The following HOMER3 variants were observed in gnomAD, a reference collection of about 807,000 sequenced individuals.
The protein encoded by HOMER3 is homer protein homolog 3.
HOMER3 carries 34 observed loss-of-function variants against 45.5 expected under a neutral mutation model. The observed-to-expected ratio is 0.75, with a 90% CI of 0.57 to 1.00. The LOEUF (loss-of-function observed/expected upper bound fraction) is 1.00, where lower values mean the gene tolerates loss of function less well. Among genes scored for constraint, HOMER3 ranks in the 50% least tolerant of loss-of-function variants. The pLI, the probability that HOMER3 is intolerant of heterozygous loss-of-function variation, is 0.00. For synonymous variants in HOMER3, 223 were observed against 208.8 expected (o/e 1.07, Z -0.58); for missense variants, 480 against 497.5 (o/e 0.96, Z 0.33).
At chr19:18,934,182 T>C (rs758321652) in intron 5 of HOMER3, 121 bp downstream of exon 5, 4 of 541,436 alleles carry the variant, frequency 7.4e-6, no homozygotes, top group East Asian at 3.4e-5. Flanking sequence ...TCTGGAAGCA[T>C]TGGGTCTTGA....
rs1456466657 is a variant in HOMER3, at chr19:18,941,072, G to A, written c.-89C>T. The A allele has an allele frequency of 1.3e-5, 2 of 151,422 alleles. No individual in the cohort carries two copies. Among genetic ancestry groups the A allele is most frequent in the African/African-American group, 4.8e-5 (2 of 41,296 alleles). The allele number at this position is 151,422 out of a possible 1,614,324, so 9.4% of individuals were successfully genotyped here. The stretch of plus-strand genomic sequence containing the variant: ...TCACCCTGCCAGGTCGGCGCCCCGC[G>A]AGTGTCCAGGCGCGAGTCGGGTGCG... On this transcript the variant is annotated 5_prime_UTR_variant, in exon 1 of 10. Coordinates refer to ENST00000392351, the MANE Select transcript of HOMER3 (RefSeq NM_004838.4).
Position 18,932,119 on chromosome 19 carries a change from C to A in HOMER3, c.547G>T (p.Val183Leu). Reference protein sequence around the residue: ...KMLSEGSVGEVQWEAEFFALQ... With the variant: ...KMLSEGSVGELQWEAEFFALQ... Reference sequence around the variant, plus strand: ...GCGAAAAACTCGGCCTCCCACTGTACCTCGCCCACGGAGCTGCAGAGACAC... The same window carrying A: ...GCGAAAAACTCGGCCTCCCACTGTAACTCGCCCACGGAGCTGCAGAGACAC... The change falls in exon 7 of 10, where the codon GTA becomes TTA. Residue 183 changes from valine to leucine, a missense_variant. By Grantham distance (32) the Val-to-Leu change is conservative. Coordinates refer to ENST00000392351, the MANE Select transcript of HOMER3 (RefSeq NM_004838.4). The A allele has an allele frequency of 6.4e-7, 1 of 1,564,648 alleles. No individual in the cohort carries two copies. The highest frequency in any genetic ancestry group is 1.2e-5 in the South Asian group (1 of 85,000).
At chr19:18,939,159 C>T (rs80316377) in intron 1 of HOMER3, 110 bp from the exon 2 acceptor site, 19,726 of 624,162 alleles carry the variant, frequency 0.032, 428 homozygotes, top group Non-Finnish European at 0.042. Flanking sequence ...AACTTTCAAT[C>T]AAAAAGGCAG....
chr19:18,932,711 G>A (rs2057050079), intron 6 of HOMER3, among the ~76,000 whole-genome samples: 1 of 152,076 alleles, frequency 6.6e-6, no homozygotes, highest in East Asian at 1.9e-4. Context: ...AGAAGAGACA[G>A]GGATGGGGTC....
intron 4 of HOMER3, among the ~76,000 whole-genome samples, chr19:18,936,771 C>T (rs539696429): frequency 5.3e-5 from 8 of 151,878 alleles, no homozygotes; most frequent in African/African-American, 1.9e-4. Context: ...GGGTGGATCA[C>T]GAGGTCAGGA....
chr19:18,935,817 C>T (rs564575273), intron 4 of HOMER3, among the ~76,000 whole-genome samples: 18 of 151,584 alleles, frequency 1.2e-4, no homozygotes, highest in Admixed American at 9.9e-4. Flanking sequence ...GTCAGGAGTT[C>T]GAAACCAGCC....
intron 4 of HOMER3, among the ~76,000 whole-genome samples, chr19:18,937,183 C>T (rs1004872477): frequency 2.2e-4 from 33 of 151,470 alleles, no homozygotes; most frequent in Non-Finnish European, 4.1e-4. Context: ...TGGTGGCATA[C>T]GCCTATAGTC....
In HOMER3 at chr19:18,933,686, C is replaced by T. The variant is rs929748037; in HGVS notation, c.411+617G>A. Among the ~76,000 whole-genome samples the T allele has an allele frequency of 3.3e-5, 5 of 152,092 alleles. No homozygotes were observed. The East Asian group carries it at 5.8e-4, about 18-fold the overall frequency. ...ACGCAGGGACAGTTCGTTGTTCTGC[C>T]TCACACTTAGCCATTTCTTTCTTTC... On this transcript the variant is annotated intron_variant, in intron 5 of 9. Transcript: ENST00000392351.
At chr19:18,932,158 G>A (rs77256549) in intron 6 of HOMER3, 26 bp from the exon 7 acceptor site, 1 of 1,518,350 alleles carries the variant, frequency 6.6e-7, no homozygotes, top group East Asian at 2.5e-5. Context: ...GGTCGGCAGT[G>A]GGTGACACGG....
chr19:18,930,841 T>C (rs1040030992), intron 9 of HOMER3, among the ~76,000 whole-genome samples: 2 of 151,974 alleles, frequency 1.3e-5, no homozygotes, highest in African/African-American at 4.8e-5. Flanking sequence ...ACCCTGTCTC[T>C]ACTAAAAATA....
At chr19:18,935,779 G>T (rs2057085395) in intron 4 of HOMER3, among the ~76,000 whole-genome samples, 3 of 152,110 alleles carry the variant, frequency 2.0e-5, no homozygotes, top group Admixed American at 6.6e-5. Context: ...CAGCACTTTG[G>T]GAGACCAAGG....
At chr19:18,940,845 T>C (rs1345967196) in intron 1 of HOMER3, 1 of 152,254 alleles carries the variant, frequency 6.6e-6, no homozygotes, top group Non-Finnish European at 1.5e-5. Context: ...TCCAGAACTT[T>C]GGGAACCTCC....
chr19:18,935,326 T>TG (rs1401245010), intron 4 of HOMER3, among the ~76,000 whole-genome samples: 1 of 151,998 alleles, frequency 6.6e-6, no homozygotes, highest in African/African-American at 2.4e-5. Flanking sequence ...TTAGTACAGA[T>TG]GGGGTTTCAC....
In HOMER3 at chr19:18,938,995, G is replaced by C. The variant is rs954853947; in HGVS notation, c.-13C>G. 5.1e-6 allele frequency: 8 copies of C among 1,578,374 alleles called. No individual in the cohort carries two copies. Among genetic ancestry groups the C allele is most frequent in the Middle Eastern group, 1.9e-4 (1 of 5,322 alleles). ...TGGCTGTGGACATTGGTCAGGCTGG[G>C]ATGGGCAGGCTCTAGGGGGCAGCCA... On this transcript the variant is annotated 5_prime_UTR_variant, in exon 2 of 10. It adds an upstream start codon to the 5' untranslated region. Transcript: ENST00000392351.
chr19:18,929,777 C>T (rs1432410375), intron 9 of HOMER3, 143 bp from the exon 10 acceptor site: 1 of 602,948 alleles, frequency 1.7e-6, no homozygotes, highest in Non-Finnish European at 2.8e-6. Flanking sequence ...AAAATGCACA[C>T]CCCACAGGGG....
At chr19:18,930,894 G>A (rs1259152552) in intron 9 of HOMER3, among the ~76,000 whole-genome samples, 1 of 151,970 alleles carries the variant, frequency 6.6e-6, no homozygotes, top group Non-Finnish European at 1.5e-5. Context: ...TGTAATCCCA[G>A]CTACTCAGGA....
In HOMER3 at chr19:18,931,313, GC is replaced by G; in HGVS notation, c.894+11del. 1.9e-6 allele frequency: 3 copies of G among 1,611,776 alleles called. No individual in the cohort carries two copies. Among genetic ancestry groups the G allele is most frequent in the Non-Finnish European group, 2.5e-6 (3 of 1,178,146 alleles). ...ACCCACCGTCACCCCACCTCCTTGT[GC>G]CCACACACACCTGCACCTTCTGCTG... is the stretch of plus-strand genomic sequence containing the variant. On this transcript the variant is annotated intron_variant, in intron 9 of 9. Coordinates refer to ENST00000392351, the MANE Select transcript of HOMER3 (RefSeq NM_004838.4).
chr19:18,932,340 A>C (rs1438696021), intron 6 of HOMER3, among the ~76,000 whole-genome samples: 2 of 104,466 alleles, frequency 1.9e-5, no homozygotes, highest in East Asian at 6.5e-4. Flanking sequence ...AGTCAGCGGC[A>C]ATGCTCGGTT....
intron 5 of HOMER3, 36 bp downstream of exon 5, chr19:18,934,267 T>A: frequency 1.6e-6 from 2 of 1,255,372 alleles, no homozygotes; most frequent in Non-Finnish European, 1.1e-6. Flanking sequence ...GACTCACAGG[T>A]GCCCAGGCAG....
Sources: gnomAD v4.1 joint callset for allele counts (sites outside exome capture counted in the v4.1 genomes callset) on GRCh38, gnomAD v4.1.1 for gene constraint, MANE v1.5 for transcripts, NCBI Gene and HGNC (gene_info 2026-07-23, HGNC 2026-07-21) for gene names.